Variants in CA5A observed in about 807,000 individuals in gnomAD.
CA5A encodes the protein carbonic anhydrase 5A, mitochondrial.
A neutral mutation model predicts 37.1 loss-of-function variants in CA5A; 28 were observed. That is an observed-to-expected ratio of 0.75 (90% CI 0.56 to 1.03). The LOEUF (loss-of-function observed/expected upper bound fraction) is 1.03. CA5A is among the 50% of genes least tolerant of loss of function. CA5A has a pLI of 0.00. For synonymous variants in CA5A, 171 were observed against 158.4 expected (o/e 1.08, Z -0.60); for missense variants, 444 against 399.9 (o/e 1.11, Z -0.94).
At chr16:87,921,452 G>A (rs990210324) in intron 2 of CA5A, among the ~76,000 whole-genome samples, 33 of 152,206 alleles carry the variant, frequency 2.2e-4, no homozygotes, top group African/African-American at 8.0e-4. Context: ...GGCACAGCTG[G>A]CCTTTGCACA....
intron 5 of CA5A, among the ~76,000 whole-genome samples, chr16:87,897,002 C>T (rs1026347051): frequency 2.6e-5 from 4 of 152,262 alleles, no homozygotes; most frequent in Admixed American, 2.6e-4. Context: ...CCCACCCAGC[C>T]TAACTCCGCC....
intron 5 of CA5A, chr16:87,893,045 T>C (rs1289082328): frequency 1.8e-5 from 22 of 1,217,000 alleles, no homozygotes; most frequent in East Asian, 1.2e-4. Context: ...CCAACCTTCA[T>C]GTCACGAAGG....
At chr16:87,900,175 C>G (rs937096578) in intron 5 of CA5A, among the ~76,000 whole-genome samples, 4 of 152,150 alleles carry the variant, frequency 2.6e-5, no homozygotes, top group African/African-American at 9.7e-5. Flanking sequence ...CAGCTCTTTT[C>G]TTTCCCACCA....
chr16:87,926,509 G>A (rs7205050), intron 2 of CA5A, among the ~76,000 whole-genome samples: 2,616 of 152,356 alleles, frequency 0.017, 78 homozygotes, highest in African/African-American at 0.059. Context: ...GTGCACCTGT[G>A]TGCATGCAGG....
At chr16:87,894,050 T>G (rs2143913854) in intron 5 of CA5A, among the ~76,000 whole-genome samples, 1 of 152,382 alleles carries the variant, frequency 6.6e-6, no homozygotes, top group South Asian at 2.1e-4. Context: ...TAAGCCACTG[T>G]GCCCAGCCAG....
At chr16:87,897,121 GTGCTGCCGC>G (rs1304308986) in intron 5 of CA5A, among the ~76,000 whole-genome samples, 1 of 152,258 alleles carries the variant, frequency 6.6e-6, no homozygotes, top group Non-Finnish European at 1.5e-5. Context: ...GGCTCAGTAG[GTGCTGCCGC>G]TGCTGCTGCC....
intron 5 of CA5A, among the ~76,000 whole-genome samples, chr16:87,896,650 T>C (rs745667159): frequency 6.8e-6 from 1 of 148,120 alleles, no homozygotes; most frequent in African/African-American, 2.4e-5. Context: ...TATTTATTTA[T>C]TGTTTTTGAG....
chr16:87,924,189 G>T (rs761113607), intron 2 of CA5A: 6 of 985,436 alleles, frequency 6.1e-6, no homozygotes, highest in Non-Finnish European at 7.2e-6. Context: ...CCAAGAAGTT[G>T]CACTTTGCTT....
At chr16:87,895,489 G>C (rs2055788863) in intron 5 of CA5A, among the ~76,000 whole-genome samples, 2 of 152,340 alleles carry the variant, frequency 1.3e-5, no homozygotes, top group Middle Eastern at 3.4e-3. Flanking sequence ...AGGTTGCAGT[G>C]AGCTGAGCTC....
rs553354012 is a variant in CA5A, at chr16:87,901,408, C to T, written c.618+504G>A. On this transcript the variant is annotated intron_variant, in intron 5 of 6. Coordinates refer to ENST00000649794, the MANE Select transcript of CA5A (RefSeq NM_001739.2). ...GGTCCCAGAGCAGTGGTGATGCATT[C>T]GAAGTCAGAGAGACCTAGCTGTGGA... 5.8e-4 allele frequency among the ~76,000 whole-genome samples: 89 copies of T among 152,254 alleles called. 1 individual carries two copies. The South Asian group carries it at 0.012, about 21-fold the overall frequency.
chr16:87,927,207 G>C (rs2056325772), intron 1 of CA5A, among the ~76,000 whole-genome samples: 1 of 152,266 alleles, frequency 6.6e-6, no homozygotes, highest in Non-Finnish European at 1.5e-5. Flanking sequence ...CACCTGTGTT[G>C]ATGGGTTTTT....
chr16:87,899,245 A>G (rs572996895), intron 5 of CA5A, among the ~76,000 whole-genome samples: 2 of 148,808 alleles, frequency 1.3e-5, no homozygotes, highest in South Asian at 2.1e-4. Context: ...TCCCTGGCCC[A>G]TGAAGCACAG....
chr16:87,925,505 C>T (rs956097217), intron 2 of CA5A: 2 of 152,338 alleles, frequency 1.3e-5, no homozygotes, highest in African/African-American at 2.4e-5. Flanking sequence ...CACCTGATAC[C>T]CAGCACGTGG....
intron 6 of CA5A, 24 bp downstream of exon 6, chr16:87,891,775 G>A (rs1029538758): frequency 4.1e-5 from 60 of 1,473,614 alleles, no homozygotes; most frequent in East Asian, 2.7e-4. Flanking sequence ...AAGCGCCATC[G>A]TGCCAGTTAC....
At chr16:87,921,152 C>T (rs1167675178) in intron 2 of CA5A, among the ~76,000 whole-genome samples, 1 of 152,186 alleles carries the variant, frequency 6.6e-6, no homozygotes, top group Non-Finnish European at 1.5e-5. Flanking sequence ...TGGTCTCGAA[C>T]TCCTGACCTC....
intron 2 of CA5A, among the ~76,000 whole-genome samples, chr16:87,905,916 G>A (rs140131175): frequency 0.023 from 3,433 of 152,318 alleles, 42 homozygotes; most frequent in African/African-American, 0.034. Flanking sequence ...CATAAGCATC[G>A]CTCGCTGAGG....
intron 2 of CA5A, among the ~76,000 whole-genome samples, chr16:87,914,718 G>A (rs1010031148): frequency 9.2e-5 from 14 of 152,290 alleles, no homozygotes; most frequent in Non-Finnish European, 2.1e-4. Flanking sequence ...GCGGGCGCAG[G>A]GCGGGAGCAC....
intron 5 of CA5A, chr16:87,893,327 C>T (rs950869215): frequency 7.6e-5 from 27 of 356,736 alleles, no homozygotes; most frequent in Non-Finnish European, 1.3e-4. Flanking sequence ...CGGGGTTTCA[C>T]CATATTAGTC....
At chr16:87,927,367 C>A (rs1229431556) in intron 1 of CA5A, among the ~76,000 whole-genome samples, 1 of 152,106 alleles carries the variant, frequency 6.6e-6, no homozygotes, top group South Asian at 2.1e-4. Flanking sequence ...ACTTCCCTTC[C>A]CACTCCCAGG....
Sources: allele counts gnomAD v4.1 joint callset (sites outside exome capture counted in the v4.1 genomes callset), GRCh38; gene constraint gnomAD v4.1.1; transcripts MANE v1.5; gene names NCBI Gene and HGNC (gene_info 2026-07-23, HGNC 2026-07-21).